The following SYT14 variants were observed in gnomAD, a reference collection of about 807,000 sequenced individuals.
SYT14 encodes the protein synaptotagmin-14.
Under a neutral mutation model 74.2 loss-of-function variants are expected in SYT14, and 32 were observed. That is an observed-to-expected ratio of 0.43 (90% CI 0.33 to 0.58). SYT14 has a LOEUF of 0.58. Among genes scored for constraint, SYT14 ranks in the 20% least tolerant of loss-of-function variants. The probability of loss-of-function intolerance (pLI) is 0.05; values close to 1 mark genes in which losing one functional copy is unlikely to be tolerated. For missense variants in SYT14, 791 were observed against 981.8 expected (o/e 0.81, Z 2.60); for synonymous variants, 298 against 337.7 (o/e 0.88, Z 1.29).
chr1:210,150,224 G>C (rs1257474714), intron 7 of SYT14, among the ~76,000 whole-genome samples: 1 of 152,200 alleles, frequency 6.6e-6, no homozygotes, highest in African/African-American at 2.4e-5. Context: ...CTGAGAAATG[G>C]ATAAAGGAGA....
chr1:210,100,579 T>G, intron 7 of SYT14, 118 bp downstream of exon 6: 1 of 1,004,172 alleles, frequency 1.0e-6, no homozygotes, highest in Non-Finnish European at 1.5e-6. Context: ...TACATAGTAA[T>G]CATGCCTTTA....
At chr1:209,947,404 G>A (rs1459759687) in intron 1 of SYT14, among the ~76,000 whole-genome samples, 1 of 152,142 alleles carries the variant, frequency 6.6e-6, no homozygotes, top group East Asian at 1.9e-4. Context: ...ACATTAATAG[G>A]AGTTTGGGAG....
At chr1:210,014,474 G>C (rs2080146673) in intron 3 of SYT14, among the ~76,000 whole-genome samples, 1 of 150,574 alleles carries the variant, frequency 6.6e-6, no homozygotes, top group Admixed American at 6.6e-5. Context: ...CCAAAGACTG[G>C]TTTATAAAAA....
chr1:210,154,158 A>G (rs1338914652), intron 7 of SYT14, among the ~76,000 whole-genome samples: 1 of 152,104 alleles, frequency 6.6e-6, no homozygotes, highest in Non-Finnish European at 1.5e-5. Flanking sequence ...TTACAAATTC[A>G]ATTTCTTTAG....
At chr1:210,079,395 A>T (rs2081577714) in intron 5 of SYT14, among the ~76,000 whole-genome samples, 1 of 152,168 alleles carries the variant, frequency 6.6e-6, no homozygotes, top group Non-Finnish European at 1.5e-5. Context: ...TCTTAAAAAA[A>T]ATTCTACCTA....
chr1:210,131,330 C>G (rs2082668850), intron 7 of SYT14, among the ~76,000 whole-genome samples: 1 of 152,010 alleles, frequency 6.6e-6, no homozygotes, highest in Non-Finnish European at 1.5e-5. Flanking sequence ...GAACGTCTTG[C>G]ATGAGTAATT....
chr1:210,146,243 C>T (rs553643822), intron 7 of SYT14, among the ~76,000 whole-genome samples: 1 of 152,192 alleles, frequency 6.6e-6, no homozygotes, highest in South Asian at 2.1e-4. Flanking sequence ...AAGGCTGAGG[C>T]ATGAGAATCA....
intron 2 of SYT14, among the ~76,000 whole-genome samples, chr1:209,962,448 T>C (rs2079090983): frequency 6.6e-6 from 1 of 151,986 alleles, no homozygotes; most frequent in African/African-American, 2.4e-5. Context: ...GCCTCGGTAG[T>C]AGCAGAGAAT....
At chr1:210,002,139 CA>C (rs1269848789) in intron 2 of SYT14, among the ~76,000 whole-genome samples, 1 of 152,120 alleles carries the variant, frequency 6.6e-6, no homozygotes, top group Non-Finnish European at 1.5e-5. Context: ...AAGAACTATA[CA>C]TTTTTTTAGT....
chr1:209,990,526 T>TATATATATATAC (rs1372267660), intron 2 of SYT14, among the ~76,000 whole-genome samples: 12 of 12,122 alleles, frequency 9.9e-4, no homozygotes, highest in African/African-American at 2.6e-3. Flanking sequence ...ATATTTCACA[T>TATATATATATAC]ATATATATAT....
At chr1:209,987,108 A>T (rs912241174) in intron 2 of SYT14, among the ~76,000 whole-genome samples, 1 of 152,166 alleles carries the variant, frequency 6.6e-6, no homozygotes, top group Admixed American at 6.5e-5. Flanking sequence ...GGTCACAACC[A>T]TTTAACTCAT....
At chr1:209,981,043 GA>G (rs764003759) in intron 2 of SYT14, among the ~76,000 whole-genome samples, 1 of 152,124 alleles carries the variant, frequency 6.6e-6, no homozygotes, top group Non-Finnish European at 1.5e-5. Flanking sequence ...TGGGCAGTAT[GA>G]ATTTTCATGA....
At chr1:210,081,894 A>G (rs1053462459) in intron 5 of SYT14, among the ~76,000 whole-genome samples, 1 of 152,226 alleles carries the variant, frequency 6.6e-6, no homozygotes, top group African/African-American at 2.4e-5. Context: ...ACATCTAGAC[A>G]GTCTTGATTA....
intron 5 of SYT14, among the ~76,000 whole-genome samples, chr1:210,044,194 C>CT (rs1024314346): frequency 2.0e-5 from 3 of 152,112 alleles, no homozygotes; most frequent in Admixed American, 6.5e-5. Context: ...GGTTCAAGCA[C>CT]TTTTTGAGGC....
chr1:209,980,509 T>TGAAGTCTTTGCC (rs1239709488), intron 2 of SYT14, among the ~76,000 whole-genome samples: 1 of 152,246 alleles, frequency 6.6e-6, no homozygotes, highest in African/African-American at 2.4e-5. Context: ...ACTTTTGTCA[T>TGAAGTCTTTGCC]GAAGTCTTTG....
At chr1:210,080,965 T>C (rs1558175990) in intron 5 of SYT14, among the ~76,000 whole-genome samples, 1 of 152,026 alleles carries the variant, frequency 6.6e-6, no homozygotes, top group Non-Finnish European at 1.5e-5. Flanking sequence ...TGCAGGATAA[T>C]ATGTGAACTT....
At chr1:210,119,919 A>G (rs2082425403) in intron 7 of SYT14, among the ~76,000 whole-genome samples, 1 of 152,210 alleles carries the variant, frequency 6.6e-6, no homozygotes, top group South Asian at 2.1e-4. Context: ...ACTAACAAAT[A>G]TTAGTTGCGT....
chr1:210,011,033 T>C (rs1466559349), intron 2 of SYT14, among the ~76,000 whole-genome samples: 1 of 152,210 alleles, frequency 6.6e-6, no homozygotes, highest in East Asian at 1.9e-4. Context: ...AGCTACATTT[T>C]CTTTCATTTA....
exon 4 of SYT14, chr1:210,016,644 A>G: frequency 8.1e-7 from 1 of 1,231,932 alleles, no homozygotes; most frequent in Non-Finnish European, 1.0e-6. Flanking sequence ...TATGAGCAAA[A>G]GAAATATGTT....
Sources: gnomAD v4.1 joint callset for allele counts (sites outside exome capture counted in the v4.1 genomes callset) on GRCh38, gnomAD v4.1.1 for gene constraint, MANE v1.5 for transcripts, NCBI Gene and HGNC (gene_info 2026-07-23, HGNC 2026-07-21) for gene names.